The following RANBP2 variants were observed in gnomAD, a reference collection of about 807,000 sequenced individuals.
The protein encoded by RANBP2 is RAN binding protein 2.
Under a neutral mutation model 303.6 loss-of-function variants are expected in RANBP2, and 57 were observed. The ratio of observed to expected loss-of-function variants is 0.19; its 90% CI spans 0.15 to 0.23. The LOEUF (loss-of-function observed/expected upper bound fraction) is 0.23. RANBP2 is among the 10% of genes least tolerant of loss of function. The pLI, the probability that RANBP2 is intolerant of heterozygous loss-of-function variation, is 1.00. For synonymous variants in RANBP2, 1,167 were observed against 1,301.5 expected, an observed-to-expected ratio of 0.90 and a Z score of 2.23; for missense variants, 3,138 against 3,780.8, an observed-to-expected ratio of 0.83 and a Z score of 4.46.
chr2:109,239,002 A>C, the RANBP2 span, among the ~76,000 whole-genome samples: 3 of 152,214 alleles, frequency 2.0e-5, no homozygotes, highest in East Asian at 3.8e-4. Context: ...AGGAAAAGCT[A>C]CTGGTAGACA....
At chr2:108,937,830 A>G in the RANBP2 span, among the ~76,000 whole-genome samples, 1 of 152,112 alleles carries the variant, frequency 6.6e-6, no homozygotes, top group Admixed American at 6.6e-5. Flanking sequence ...CTGCGGGGAG[A>G]GGCACAGATG....
At chr2:109,329,167 G>A in the RANBP2 span, among the ~76,000 whole-genome samples, 15 of 152,104 alleles carry the variant, frequency 9.9e-5, no homozygotes, top group African/African-American at 1.7e-4. Flanking sequence ...GTTTCTCTGC[G>A]CATTTGTTTG....
chr2:109,296,792 C>T, the RANBP2 span, among the ~76,000 whole-genome samples: 3 of 152,126 alleles, frequency 2.0e-5, no homozygotes, highest in Non-Finnish European at 4.4e-5. Context: ...AGGCAGTGGT[C>T]AGCTGGGGAC....
the RANBP2 span, among the ~76,000 whole-genome samples, chr2:109,016,801 C>T: frequency 1.3e-5 from 2 of 152,090 alleles, no homozygotes; most frequent in Non-Finnish European, 2.9e-5. Flanking sequence ...TTTGGGGTGG[C>T]GTTTTATTTG....
chr2:109,732,662 G>C, the RANBP2 span: 2 of 547,138 alleles, frequency 3.7e-6, no homozygotes, highest in Non-Finnish European at 7.1e-6. Flanking sequence ...AGAGAACCGG[G>C]TTTCATCATG....
At chr2:109,237,945 G>T in the RANBP2 span, among the ~76,000 whole-genome samples, 1 of 152,186 alleles carries the variant, frequency 6.6e-6, no homozygotes, top group Non-Finnish European at 1.5e-5. Flanking sequence ...AATTAAAATG[G>T]TTTTTATGAC....
the RANBP2 span, among the ~76,000 whole-genome samples, chr2:109,359,918 C>G: frequency 6.6e-6 from 1 of 152,232 alleles, no homozygotes; most frequent in African/African-American, 2.4e-5. Flanking sequence ...AGGTTCTCCA[C>G]GTGAAAAGAG....
the RANBP2 span, among the ~76,000 whole-genome samples, chr2:109,193,233 A>T: frequency 6.6e-6 from 1 of 152,230 alleles, no homozygotes; most frequent in Non-Finnish European, 1.5e-5. Flanking sequence ...AGTGAGTGAG[A>T]GAGAAATAGG....
At chr2:109,379,399 G>A in the RANBP2 span, among the ~76,000 whole-genome samples, 5 of 152,136 alleles carry the variant, frequency 3.3e-5, no homozygotes, top group South Asian at 2.1e-4. Flanking sequence ...GCCAAAGCCC[G>A]TCCCGTGGTC....
At chr2:109,661,950 G>A in the RANBP2 span, among the ~76,000 whole-genome samples, 1 of 152,060 alleles carries the variant, frequency 6.6e-6, no homozygotes, top group Non-Finnish European at 1.5e-5. Context: ...TTTTGGTGGT[G>A]GCCATAAAGA....
the RANBP2 span, among the ~76,000 whole-genome samples, chr2:109,478,321 G>A: frequency 2.0e-5 from 3 of 152,308 alleles, no homozygotes; most frequent in East Asian, 5.8e-4. Flanking sequence ...TCCCTAGGCT[G>A]TCTGAAAATG....
the RANBP2 span, among the ~76,000 whole-genome samples, chr2:109,644,236 G>A: frequency 6.6e-6 from 1 of 152,112 alleles, no homozygotes; most frequent in Non-Finnish European, 1.5e-5. Flanking sequence ...GAACCCAGGA[G>A]GTGGAGTTTG....
the RANBP2 span, among the ~76,000 whole-genome samples, chr2:108,944,205 C>T: frequency 2.0e-5 from 3 of 152,194 alleles, no homozygotes; most frequent in African/African-American, 4.8e-5. Flanking sequence ...CCTCTGCCTC[C>T]TGGGCTCAGG....
chr2:108,833,507 A>T, the RANBP2 span, among the ~76,000 whole-genome samples: 2 of 152,338 alleles, frequency 1.3e-5, no homozygotes, highest in Admixed American at 1.3e-4. Context: ...ACAATGCCAG[A>T]TGAATTTAGT....
At chr2:109,482,457 G>A in the RANBP2 span, among the ~76,000 whole-genome samples, 3 of 152,154 alleles carry the variant, frequency 2.0e-5, no homozygotes, top group Admixed American at 6.5e-5. Context: ...GCAGAACACC[G>A]TGCTGTGGCT....
chr2:108,881,897 A>T, the RANBP2 span, among the ~76,000 whole-genome samples: 1 of 152,178 alleles, frequency 6.6e-6, no homozygotes, highest in East Asian at 1.9e-4. Context: ...TAACCCCAGC[A>T]CTTTGGGAAG....
Position 108,764,462 on chromosome 2 carries a change from C to T in RANBP2, c.3923C>T (p.Pro1308Leu), listed in dbSNP as rs1251739656. ...GAAGCCCAGAGCATTTTAAAAGCCC[C>T]AGGAACAAATGTAGCCATGGCGTCA... ...FEEAQSILKA[P>L]GTNVAMASNQ... The change falls in exon 20 of 29, where the codon CCA becomes CTA. Residue 1308 changes from proline to leucine, a missense_variant. Around this residue, in one of 20 missense-constraint regions of RANBP2, gnomAD observed 388 missense variants for 328.5 expected, o/e 1.18. Transcript: ENST00000283195. The T allele has an allele frequency of 6.2e-7, 1 of 1,613,934 alleles. No individual in the cohort carries two copies. The highest frequency in any genetic ancestry group is 2.2e-5 in the East Asian group (1 of 44,874).
the RANBP2 span, chr2:109,130,106 C>T: frequency 2.3e-6 from 3 of 1,328,866 alleles, no homozygotes; most frequent in East Asian, 3.1e-5. Flanking sequence ...ACCGCGCCGG[C>T]GGCAAAGGTG....
chr2:108,735,245 G>A (rs1240220980), intron 4 of RANBP2, among the ~76,000 whole-genome samples: 9 of 152,238 alleles, frequency 5.9e-5, no homozygotes, highest in South Asian at 4.2e-4. Context: ...TAGGCTTCTG[G>A]TGGTGACTCA....
Sources: allele counts gnomAD v4.1 joint callset (sites outside exome capture counted in the v4.1 genomes callset), GRCh38; gene constraint gnomAD v4.1.1; regional missense constraint gnomAD v4.1.1; transcripts MANE v1.5; gene names NCBI Gene and HGNC (gene_info 2026-07-23, HGNC 2026-07-21).